ZNF385C: variants seen among roughly 807,000 people sequenced by gnomAD.
ZNF385C encodes zinc finger protein 385C.
ZNF385C carries 28 observed loss-of-function variants against 35.4 expected under a neutral mutation model. That is an observed-to-expected ratio of 0.79 (90% CI 0.59 to 1.08). The LOEUF is 1.08. Among genes scored for constraint, ZNF385C ranks in the 50% least tolerant of loss-of-function variants. ZNF385C has a pLI of 0.00. For synonymous variants in ZNF385C, 248 were observed against 248.2 expected (o/e 1.00, Z 0.01); for missense variants, 605 against 595.6 (o/e 1.02, Z -0.16).
At chr17:42,035,794 TC>T (rs1479479806) in intron 3 of ZNF385C, among the ~76,000 whole-genome samples, 1 of 151,780 alleles carries the variant, frequency 6.6e-6, no homozygotes, top group Non-Finnish European at 1.5e-5. Context: ...CTCAAAATGA[TC>T]CGCCTGCCTT....
At chr17:42,088,335 G>C (rs1329426501) in intron 1 of ZNF385C, among the ~76,000 whole-genome samples, 1 of 152,226 alleles carries the variant, frequency 6.6e-6, no homozygotes. Flanking sequence ...AGCACCCCCA[G>C]GTCACCTCCC....
intron 1 of ZNF385C, among the ~76,000 whole-genome samples, chr17:42,066,023 G>A (rs782507046): frequency 5.9e-5 from 9 of 151,734 alleles, no homozygotes; most frequent in Admixed American, 1.3e-4. Context: ...GCTTCTCGGT[G>A]CCCTACAAAA....
chr17:42,085,232 G>A (rs1487388193), intron 1 of ZNF385C, among the ~76,000 whole-genome samples: 3 of 152,074 alleles, frequency 2.0e-5, no homozygotes, highest in Non-Finnish European at 4.4e-5. Context: ...AGGAGTTCAA[G>A]ATCAGCCTGG....
rs1313260274 is a variant in ZNF385C at position 42,027,648 on chromosome 17, C to G, written c.1245G>C (p.Lys415Asn). 2.6e-6 allele frequency: 4 copies of G among 1,526,412 alleles called. No individual in the cohort carries two copies. Among genetic ancestry groups the G allele is most frequent in the East Asian group, 2.7e-5 (1 of 36,970 alleles). 94.6% of individuals were successfully genotyped at this position (1,526,412 alleles called of 1,614,324 possible). A position where few individuals can be genotyped will look rare whatever the true frequency, so the allele number is the denominator to read the frequency against. The change falls in exon 8 of 9, where the codon AAG becomes AAC. Residue 415 changes from lysine to asparagine, a missense_variant. Coordinates refer to ENST00000692273, the MANE Select transcript of ZNF385C (RefSeq NM_001392013.1). ...GGATACTCACAGCCAGCGCTGCGTG[C>G]TTCTGCAGCTTGCTGTGCTGGCTGG... ...KPSSQHSKLQ[K>N]HAALAVSILK...
chr17:42,096,987 A>C (rs35696720), intron 1 of ZNF385C, among the ~76,000 whole-genome samples: 14,915 of 150,116 alleles, frequency 0.099, 1,567 homozygotes, highest in African/African-American at 0.26. Context: ...AAAAAAAAAA[A>C]AAAAAAACCC....
At chr17:42,093,308 C>T (rs1022910192) in intron 1 of ZNF385C, among the ~76,000 whole-genome samples, 1 of 152,210 alleles carries the variant, frequency 6.6e-6, no homozygotes, top group Non-Finnish European at 1.5e-5. Flanking sequence ...CAGCCCCACT[C>T]TGGTCAACGC....
Position 42,082,898 on chromosome 17 carries a change from T to C in ZNF385C, c.-3+15512A>G, listed in dbSNP as rs549394511. Among the ~76,000 whole-genome samples the C allele has an allele frequency of 2.0e-5, 3 of 152,166 alleles. No homozygotes were observed. In the East Asian group the frequency reaches 5.8e-4, roughly 30 times the overall value. On this transcript the variant is annotated intron_variant, in intron 1 of 8. Transcript: ENST00000692273. ...TTTGAGACCAGCCTGTTCAACATGG[T>C]GAAGACCCGTCTCTACTAAAAATAC...
intron 3 of ZNF385C, among the ~76,000 whole-genome samples, chr17:42,036,353 C>T (rs1195318625): frequency 1.3e-5 from 2 of 151,990 alleles, no homozygotes; most frequent in Middle Eastern, 3.4e-3. Context: ...GCTTTATGTT[C>T]CCTTTTCTCA....
rs1555657184 is a variant in ZNF385C at position 42,052,196 on chromosome 17, C to T, written c.250+10611G>A. Among the ~76,000 whole-genome samples, 8 of 152,306 alleles carry T rather than the reference C, an allele frequency of 5.3e-5. No homozygotes were observed. In the South Asian group the frequency reaches 1.4e-3, roughly 28 times the overall value. ...AGCCAGACCAGTACAGAAGAAGAGG[C>T]TGCCCCCAAAGGTCCAACCGAGGCT... On this transcript the variant is annotated intron_variant, in intron 2 of 8. Transcript: ENST00000692273.
At chr17:42,082,016 G>A (rs1261661732) in intron 1 of ZNF385C, among the ~76,000 whole-genome samples, 3 of 152,162 alleles carry the variant, frequency 2.0e-5, no homozygotes, top group African/African-American at 7.2e-5. Flanking sequence ...CTGCTCCCAT[G>A]AGCACTGTCC....
intron 1 of ZNF385C, among the ~76,000 whole-genome samples, chr17:42,081,483 T>C (rs2053748632): frequency 6.6e-6 from 1 of 152,098 alleles, no homozygotes; most frequent in Admixed American, 6.5e-5. Flanking sequence ...ACCTCCTGGG[T>C]TCAAGTCATT....
intron 1 of ZNF385C, among the ~76,000 whole-genome samples, chr17:42,085,051 C>G (rs1361336030): frequency 6.6e-6 from 1 of 152,178 alleles, no homozygotes; most frequent in East Asian, 1.9e-4. Flanking sequence ...AATCCCAGCA[C>G]TTTAGGAAGC....
At position 42,027,649 on chromosome 17, in the gene ZNF385C, T is replaced by C. The variant is rs377419568; in HGVS notation, c.1244A>G (p.Lys415Arg). 3 of 1,554,632 alleles carry C rather than the reference T, an allele frequency of 1.9e-6. No individual in the cohort carries two copies. In the Admixed American group the frequency reaches 5.3e-5, roughly 28 times the overall value. ...KPSSQHSKLQ[K>R]HAALAVSILK... ...GATACTCACAGCCAGCGCTGCGTGC[T>C]TCTGCAGCTTGCTGTGCTGGCTGGA... The change falls in exon 8 of 9, where the codon AAG (lysine) becomes AGG (arginine). Residue 415 changes from lysine (K) to arginine (R), a missense_variant. Lys to Arg is a conservative substitution (Grantham distance 26, BLOSUM62 2). Transcript: ENST00000692273.
intron 1 of ZNF385C, among the ~76,000 whole-genome samples, chr17:42,076,710 G>A (rs2053690211): frequency 6.6e-6 from 1 of 152,212 alleles, no homozygotes; most frequent in Admixed American, 6.5e-5. Flanking sequence ...GGGGCAGAGT[G>A]GGGATTTGGA....
intron 2 of ZNF385C, chr17:42,043,207 T>A (rs2053068179): frequency 2.4e-5 from 30 of 1,232,278 alleles, no homozygotes; most frequent in Non-Finnish European, 3.0e-5. Flanking sequence ...GGCTTTGCCA[T>A]GCTTGTTCCG....
At chr17:42,098,155 C>T (rs2053936337) in intron 1 of ZNF385C, among the ~76,000 whole-genome samples, 2 of 152,236 alleles carry the variant, frequency 1.3e-5, no homozygotes, top group Admixed American at 1.3e-4. Context: ...TAATGCCCGG[C>T]TCTTTCTTTT....
At chr17:42,080,466 C>T (rs1226654958) in intron 1 of ZNF385C, among the ~76,000 whole-genome samples, 3 of 152,200 alleles carry the variant, frequency 2.0e-5, no homozygotes, top group Non-Finnish European at 4.4e-5. Context: ...GGGGTCCTGT[C>T]CTCCTCCTCA....
chr17:42,040,622 G>A, intron 2 of ZNF385C: 1 of 1,232,312 alleles, frequency 8.1e-7, no homozygotes. Flanking sequence ...GTGGGCACCA[G>A]GCCAGGCCAG....
At chr17:42,027,315 T>A (rs114632299) in intron 8 of ZNF385C, among the ~76,000 whole-genome samples, 182 bp from the exon 9 acceptor site, 27 of 152,048 alleles carry the variant, frequency 1.8e-4, no homozygotes, top group African/African-American at 6.0e-4. Flanking sequence ...CCACCTGTCT[T>A]CCTGTCCAGA....
Sources: gnomAD v4.1 joint callset for allele counts (sites outside exome capture counted in the v4.1 genomes callset) on GRCh38, gnomAD v4.1.1 for gene constraint, MANE v1.5 for transcripts, NCBI Gene and HGNC (gene_info 2026-07-23, HGNC 2026-07-21) for gene names.